Variants in MYOT observed in about 807,000 individuals in gnomAD.
MYOT encodes 57 kDa cytoskeletal protein.
Under a neutral mutation model 58.0 loss-of-function variants are expected in MYOT, and 36 were observed. The observed-to-expected ratio is 0.62, with a 90% CI of 0.48 to 0.82. The LOEUF (loss-of-function observed/expected upper bound fraction) is 0.82, where lower values mean the gene tolerates loss of function less well. Ranked by LOEUF, MYOT falls within the 40% of genes least tolerant of loss-of-function variation. MYOT has a pLI of 0.00. For missense variants in MYOT, 505 were observed against 592.1 expected, an observed-to-expected ratio of 0.85 and a Z score of 1.53; for synonymous variants, 218 against 204.6, an observed-to-expected ratio of 1.07 and a Z score of -0.56.
intron 5 of MYOT, 31 bp from the exon 6 acceptor site, chr5:137,881,942 A>G: frequency 6.2e-7 from 1 of 1,608,710 alleles, no homozygotes. Flanking sequence ...GATAATATTT[A>G]CGCATAGTTG....
chr5:137,877,888 G>A (rs1426334242), intron 4 of MYOT, among the ~76,000 whole-genome samples: 1 of 151,940 alleles, frequency 6.6e-6, no homozygotes, highest in Admixed American at 6.6e-5. Context: ...GACATTTATG[G>A]GTCAGTTAGA....
intron 4 of MYOT, among the ~76,000 whole-genome samples, chr5:137,879,114 T>C (rs1236506295): frequency 2.0e-5 from 3 of 152,202 alleles, no homozygotes; most frequent in African/African-American, 7.2e-5. Context: ...TTGTATTTTT[T>C]AGCAGAGACG....
chr5:137,876,385 GTATAT>G (rs1755221946), intron 3 of MYOT, among the ~76,000 whole-genome samples: 1 of 152,156 alleles, frequency 6.6e-6, no homozygotes, highest in South Asian at 2.1e-4. Context: ...TCCTTATTGT[GTATAT>G]TATATTAGTA....
chr5:137,876,293 T>C (rs1755218081), intron 3 of MYOT: 1 of 391,820 alleles, frequency 2.6e-6, no homozygotes, highest in Non-Finnish European at 4.7e-6. Flanking sequence ...AAATAGCTAT[T>C]AGGAATTACT....
At chr5:137,874,354 C>T (rs1030467320) in intron 2 of MYOT, among the ~76,000 whole-genome samples, 2 of 152,082 alleles carry the variant, frequency 1.3e-5, no homozygotes, top group African/African-American at 4.8e-5. Context: ...GTAATCCCAG[C>T]TACTTGGGAG....
At position 137,870,526 on chromosome 5, in the gene MYOT, G is replaced by A. The variant is rs192572354; in HGVS notation, c.-126G>A. The A allele has an allele frequency of 4.1e-5, 35 of 847,736 alleles. No individual in the cohort carries two copies. The African/African-American group carries it at 4.8e-4, about 12-fold the overall frequency. 52.5% of individuals were successfully genotyped at this position (847,736 alleles called of 1,614,324 possible). A position where few individuals can be genotyped will look rare whatever the true frequency, so the allele number is the denominator to read the frequency against. Reference sequence around the variant, plus strand: ...TCTCAACAAGGAAGAGCAGACCAAGGTTGCTTCTGATTCCTTACAACCTTC... The same window carrying A: ...TCTCAACAAGGAAGAGCAGACCAAGATTGCTTCTGATTCCTTACAACCTTC... On this transcript the variant is annotated 5_prime_UTR_variant, in exon 2 of 10. Coordinates refer to ENST00000239926, the MANE Select transcript of MYOT (RefSeq NM_006790.3).
chr5:137,882,127 A>G, intron 6 of MYOT, 22 bp downstream of exon 6: 1 of 1,613,668 alleles, frequency 6.2e-7, no homozygotes, highest in African/African-American at 1.3e-5. Context: ...GTTCAAAAGT[A>G]CTGGGGGAAA....
intron 6 of MYOT, 67 bp downstream of exon 6, chr5:137,882,172 C>A (rs1755458491): frequency 8.4e-6 from 13 of 1,541,748 alleles, no homozygotes; most frequent in East Asian, 2.2e-5. Flanking sequence ...GAAAAATGTT[C>A]TTTTCCTACT....
intron 2 of MYOT, among the ~76,000 whole-genome samples, chr5:137,874,404 T>G (rs1318583463): frequency 6.6e-6 from 1 of 151,996 alleles, no homozygotes; most frequent in Non-Finnish European, 1.5e-5. Flanking sequence ...GAGGCAGAGG[T>G]TGCAGTGAGC....
At chr5:137,883,325 T>C (rs776178510) in intron 6 of MYOT, 59 bp from the exon 7 acceptor site, 11 of 1,398,882 alleles carry the variant, frequency 7.9e-6, no homozygotes, top group African/African-American at 1.4e-5. Context: ...TATGGACAAA[T>C]AGGTTTCAGT....
chr5:137,881,997 T>G lies in MYOT; in HGVS notation c.708T>G (p.Asp236Glu), dbSNP rs779996571. 6.2e-7 allele frequency: 1 copy of G among 1,614,018 alleles called. No homozygotes were observed. Among genetic ancestry groups the G allele is most frequent in the South Asian group, 1.1e-5 (1 of 91,082 alleles). ...QVRSRSTSRG[D>E]VNDQDAIQEK... is the part of the protein sequence containing the mutation. ...GAAGTAGATCAACCTCAAGGGGAGA[T>G]GTGAATGATCAGGATGCAATCCAGG... Residue 236 changes from aspartate to glutamate, a missense_variant, in exon 6 of 10, where the codon GAT (aspartate) becomes GAG (glutamate). Physicochemically the swap from Asp to Glu is conservative, Grantham distance 45 (BLOSUM62 2). Transcript: ENST00000239926.
In MYOT at chr5:137,870,906, T is replaced by C. The variant is rs368052792; in HGVS notation, c.255T>C (p.Val85=). ...QHAGSNPGQR[V]TTTYNQSPAS... is the part of the protein sequence containing the mutation. ...CTGGCTCCAACCCAGGCCAAAGGGTTACAACCACCTATAACCAGTCCCCAG... is the reference window on the plus strand; with the variant it reads ...CTGGCTCCAACCCAGGCCAAAGGGTCACAACCACCTATAACCAGTCCCCAG... Residue 85 remains valine (V), a synonymous_variant, in exon 2 of 10, where the codon GTT becomes GTC. Coordinates refer to ENST00000239926, the MANE Select transcript of MYOT (RefSeq NM_006790.3). The C allele has an allele frequency of 1.3e-4, 208 of 1,614,086 alleles. No individual in the cohort carries two copies. Among genetic ancestry groups the C allele is most frequent in the Non-Finnish European group, 1.7e-4 (205 of 1,180,034 alleles).
chr5:137,871,626 C>T (rs968030991), intron 2 of MYOT, among the ~76,000 whole-genome samples: 6 of 152,178 alleles, frequency 3.9e-5, no homozygotes, highest in Admixed American at 2.0e-4. Flanking sequence ...TATGACCTTA[C>T]GGTTTCGTTT....
intron 2 of MYOT, among the ~76,000 whole-genome samples, chr5:137,873,325 G>C (rs1164733347): frequency 1.3e-5 from 2 of 151,532 alleles, no homozygotes; most frequent in Non-Finnish European, 2.9e-5. Context: ...TCAGGAGTTT[G>C]AGACCAGCCT....
In MYOT at chr5:137,886,064, A is replaced by G. The variant is rs1170301254; in HGVS notation, c.1041A>G (p.Arg347=). 1.9e-6 allele frequency: 3 copies of G among 1,597,582 alleles called. No individual in the cohort carries two copies. The highest frequency in any genetic ancestry group is 2.6e-6 in the Non-Finnish European group (3 of 1,166,146). ...QLDVLAKEHK[R]APMFIYKPQS... is the part of the protein sequence containing the mutation. ...AATATATAGCAAAAGAACATAAAAG[A>G]GCACCAATGTTTATCTACAAACCAC... Residue 347 remains arginine (R), a synonymous_variant, in exon 8 of 10, where the codon AGA becomes AGG. Coordinates refer to ENST00000239926, the MANE Select transcript of MYOT (RefSeq NM_006790.3).
Position 137,870,841 on chromosome 5 carries a change from A to G in MYOT, c.190A>G (p.Met64Val), listed in dbSNP as rs2149978892. The G allele has an allele frequency of 1.2e-6, 2 of 1,614,008 alleles. No homozygotes were observed. The highest frequency in any genetic ancestry group is 8.5e-7 in the Non-Finnish European group (1 of 1,179,980). Residue 64 changes from methionine (M) to valine (V), a missense_variant, in exon 2 of 10, where the codon ATG becomes GTG. Coordinates refer to ENST00000239926, the MANE Select transcript of MYOT (RefSeq NM_006790.3). ...CTCAACACTGAGCTCTCACATCACC[A>G]TGTCCTCCTCTGCTTTCCCTGCTTC... ...ASSTLSSHIT[M>V]SSSAFPASPQ... is the part of the protein sequence containing the mutation.
intron 1 of MYOT, among the ~76,000 whole-genome samples, chr5:137,868,674 C>T (rs1754947259): frequency 1.3e-5 from 2 of 152,238 alleles, no homozygotes; most frequent in South Asian, 4.1e-4. Flanking sequence ...ATTTCATAAG[C>T]GGTTTATTCC....
rs1389819326 is a variant in MYOT, at chr5:137,883,547, A to C, written c.980A>C (p.Asn327Thr). The C allele has an allele frequency of 6.2e-7, 1 of 1,614,184 alleles. No individual in the cohort carries two copies. The highest frequency in any genetic ancestry group is 1.1e-5 in the South Asian group (1 of 91,086). The change falls in exon 7 of 10, where the codon AAT becomes ACT. Residue 327 changes from asparagine to threonine, a missense_variant. By Grantham distance (65) the Asn-to-Thr change is moderately conservative (BLOSUM62 0). Coordinates refer to ENST00000239926, the MANE Select transcript of MYOT (RefSeq NM_006790.3). ...DAGAYACVAK[N>T]RAGEATFTVQ... ...GGGGCTTATGCATGTGTTGCCAAGAATAGAGCAGGAGAAGCCACCTTCACT... is the reference window on the plus strand; with the variant it reads ...GGGGCTTATGCATGTGTTGCCAAGACTAGAGCAGGAGAAGCCACCTTCACT...
chr5:137,887,019 A>G lies in MYOT; in HGVS notation c.1324+22A>G, dbSNP rs368408205. On this transcript the variant is annotated intron_variant, in intron 9 of 9. Transcript: ENST00000239926. ...ACGGGTATGTCATACTATTAACCAA[A>G]GTATTATAAGGGATTTAACTAGGAA... 73 of 1,606,368 alleles carry G rather than the reference A, an allele frequency of 4.5e-5. No individual in the cohort carries two copies. The Middle Eastern group carries it at 1.5e-3, about 33-fold the overall frequency.
Sources: allele counts gnomAD v4.1 joint callset (sites outside exome capture counted in the v4.1 genomes callset), GRCh38; gene constraint gnomAD v4.1.1; transcripts MANE v1.5; gene names NCBI Gene and HGNC (gene_info 2026-07-23, HGNC 2026-07-21).